Variants in SMYD3 observed in about 807,000 individuals in gnomAD.
SMYD3 encodes SET and MYND domain containing 3, also known as histone-lysine N-methyltransferase SMYD3.
In SMYD3, 36 loss-of-function variants were observed where a neutral mutation model predicts 57.7. The ratio of observed to expected loss-of-function variants is 0.62; its 90% CI spans 0.48 to 0.82. SMYD3 has a LOEUF of 0.82. SMYD3 is among the 40% of genes least tolerant of loss of function. SMYD3 has a pLI of 0.00. For missense variants in SMYD3, 515 were observed against 538.8 expected, an observed-to-expected ratio of 0.96 and a Z score of 0.44; for synonymous variants, 211 against 195.0, an observed-to-expected ratio of 1.08 and a Z score of -0.68.
intron 5 of SMYD3, among the ~76,000 whole-genome samples, chr1:246,061,224 C>A (rs555275016): frequency 6.6e-6 from 1 of 151,814 alleles, no homozygotes. Flanking sequence ...CTCCGTCACA[C>A]GCACACACAC....
At chr1:245,932,534 G>A (rs1426886614) in intron 5 of SMYD3, among the ~76,000 whole-genome samples, 2 of 152,166 alleles carry the variant, frequency 1.3e-5, no homozygotes, top group Non-Finnish European at 2.9e-5. Context: ...CTGGCTCAAA[G>A]CCTGGCAAAC....
chr1:245,984,044 G>A (rs1315171513), intron 5 of SMYD3, among the ~76,000 whole-genome samples: 1 of 148,096 alleles, frequency 6.8e-6, no homozygotes, highest in African/African-American at 2.5e-5. Flanking sequence ...TTGTTGCCCA[G>A]GCTGGAGTGC....
At chr1:246,348,788 A>C (rs934917059) in intron 2 of SMYD3, among the ~76,000 whole-genome samples, 6 of 24,856 alleles carry the variant, frequency 2.4e-4, no homozygotes, top group South Asian at 5.2e-3. Context: ...ATTTGAAACA[A>C]TAAAAATAAA....
intron 5 of SMYD3, among the ~76,000 whole-genome samples, chr1:245,991,767 G>A (rs577747978): frequency 4.0e-5 from 6 of 151,802 alleles, no homozygotes; most frequent in African/African-American, 9.7e-5. Context: ...ACGGCCTGCC[G>A]TCATTTCTAT....
chr1:246,459,229 C>G (rs1285450611), intron 1 of SMYD3, among the ~76,000 whole-genome samples: 2 of 150,842 alleles, frequency 1.3e-5, no homozygotes, highest in Non-Finnish European at 2.9e-5. Flanking sequence ...GTGACACGTC[C>G]CCCTTCACTC....
At chr1:245,962,240 C>T (rs958039855) in intron 5 of SMYD3, among the ~76,000 whole-genome samples, 9 of 152,220 alleles carry the variant, frequency 5.9e-5, no homozygotes, top group African/African-American at 2.2e-4. Flanking sequence ...TCACTCCTTG[C>T]TCTGTTTTTC....
intron 4 of SMYD3, among the ~76,000 whole-genome samples, chr1:246,328,491 T>G (rs2065395538): frequency 6.6e-6 from 1 of 152,092 alleles, no homozygotes; most frequent in Non-Finnish European, 1.5e-5. Context: ...ACAAGAAAAT[T>G]TGAATACTTT....
intron 5 of SMYD3, chr1:245,955,876 GTT>G (rs36039473): frequency 0.094 from 65,245 of 690,602 alleles, 1 homozygote; most frequent in Non-Finnish European, 0.11. Flanking sequence ...TTTGTTTTGG[GTT>G]TTTTTTTTTT....
intron 5 of SMYD3, among the ~76,000 whole-genome samples, chr1:246,255,442 G>T (rs1235583621): frequency 1.3e-5 from 2 of 151,776 alleles, no homozygotes; most frequent in African/African-American, 2.4e-5. Context: ...TGATCATATG[G>T]TCTTTATTTT....
intron 5 of SMYD3, among the ~76,000 whole-genome samples, chr1:246,078,514 C>T (rs1329371440): frequency 2.0e-5 from 3 of 152,196 alleles, no homozygotes; most frequent in African/African-American, 7.2e-5. Context: ...TAGACCATCT[C>T]CTCCTGCGAG....
chr1:246,380,783 G>C (rs775619896), intron 1 of SMYD3, among the ~76,000 whole-genome samples: 2 of 152,210 alleles, frequency 1.3e-5, no homozygotes, highest in African/African-American at 2.4e-5. Context: ...TTGTTGAAAA[G>C]TAGGAATCTT....
chr1:246,277,450 A>C (rs2064356323), intron 5 of SMYD3, among the ~76,000 whole-genome samples: 1 of 152,188 alleles, frequency 6.6e-6, no homozygotes, highest in Non-Finnish European at 1.5e-5. Context: ...ACATGTAAAA[A>C]CAAGCAAACA....
intron 9 of SMYD3, 55 bp downstream of exon 9, chr1:245,863,744 A>G (rs1558434808): frequency 6.5e-7 from 1 of 1,548,988 alleles, no homozygotes; most frequent in Non-Finnish European, 8.9e-7. Flanking sequence ...CAGGGCTTCA[A>G]GAAAACAAGG....
chr1:246,354,912 C>T (rs2065887180), intron 2 of SMYD3, 119 bp downstream of exon 2: 1 of 858,140 alleles, frequency 1.2e-6, no homozygotes, highest in African/African-American at 1.7e-5. Flanking sequence ...AGGTGAATAA[C>T]AAGTAAAAGT....
At chr1:246,064,982 C>A (rs1371471187) in intron 5 of SMYD3, among the ~76,000 whole-genome samples, 1 of 152,254 alleles carries the variant, frequency 6.6e-6, no homozygotes, top group Admixed American at 6.5e-5. Flanking sequence ...ACTCTGATTA[C>A]TTCACTTACA....
chr1:246,485,611 C>CA (rs1387435082), intron 1 of SMYD3, among the ~76,000 whole-genome samples: 2 of 151,136 alleles, frequency 1.3e-5, no homozygotes, highest in Non-Finnish European at 1.5e-5. Flanking sequence ...GTGAGACCCC[C>CA]CCCCACATCT....
chr1:245,868,353 G>A (rs1297181588), intron 8 of SMYD3, among the ~76,000 whole-genome samples: 1 of 152,148 alleles, frequency 6.6e-6, no homozygotes, highest in Non-Finnish European at 1.5e-5. Flanking sequence ...TGCTTAAAAG[G>A]TGAAACTCAT....
At chr1:246,154,782 G>GT (rs1259764728) in intron 5 of SMYD3, among the ~76,000 whole-genome samples, 1 of 148,784 alleles carries the variant, frequency 6.7e-6, no homozygotes, top group African/African-American at 2.5e-5. Context: ...TTTGTTTTTT[G>GT]TTTTTTGTTT....
chr1:246,462,707 TAAGAAATCAGGATTCAGAGAAATCTTAGA>T (rs1251492569), intron 1 of SMYD3, among the ~76,000 whole-genome samples: 1 of 152,122 alleles, frequency 6.6e-6, no homozygotes, highest in East Asian at 1.9e-4. Context: ...TTTTATGTTG[TAAGAAATCAGGATTCAGAGAAATCTTAGA>T]TAGCTCACTC....
Sources: gnomAD v4.1 joint callset for allele counts (sites outside exome capture counted in the v4.1 genomes callset) on GRCh38, gnomAD v4.1.1 for gene constraint, MANE v1.5 for transcripts, NCBI Gene and HGNC (gene_info 2026-07-23, HGNC 2026-07-21) for gene names.